The following LINGO2 variants were observed in gnomAD, a reference collection of about 807,000 sequenced individuals.
LINGO2 encodes leucine-rich repeat and immunoglobulin-like domain-containing nogo receptor-interacting protein 2.
In LINGO2, 14 loss-of-function variants were observed where a neutral mutation model predicts 30.6. That is an observed-to-expected ratio of 0.46 (90% confidence interval 0.30 to 0.72). The LOEUF (loss-of-function observed/expected upper bound fraction) is 0.72. LINGO2 is among the 30% of genes least tolerant of loss of function. The probability of loss-of-function intolerance (pLI) is 0.07; values close to 1 mark genes in which losing one functional copy is unlikely to be tolerated. For synonymous variants in LINGO2, 317 were observed against 288.5 expected, an observed-to-expected ratio of 1.10 and a Z score of -1.00; for missense variants, 729 against 751.7, an observed-to-expected ratio of 0.97 and a Z score of 0.35.
At chr9:28,439,114 A>C (rs888700219) in intron 2 of LINGO2, among the ~76,000 whole-genome samples, 2 of 148,312 alleles carry the variant, frequency 1.3e-5, no homozygotes, top group Non-Finnish European at 3.0e-5. Context: ...TGAAATATAG[A>C]TAATATCTAT....
At chr9:28,879,492 A>C in the LINGO2 span, among the ~76,000 whole-genome samples, 4 of 152,176 alleles carry the variant, frequency 2.6e-5, no homozygotes, top group African/African-American at 9.7e-5. Context: ...CTTTTCCAGG[A>C]AATTTCATAC....
chr9:28,813,267 A>C, the LINGO2 span, among the ~76,000 whole-genome samples: 1 of 152,172 alleles, frequency 6.6e-6, no homozygotes, highest in Non-Finnish European at 1.5e-5. Context: ...CCTGAAACTC[A>C]GTACCAACCC....
the LINGO2 span, among the ~76,000 whole-genome samples, chr9:29,057,599 T>C: frequency 6.6e-6 from 1 of 152,132 alleles, no homozygotes; most frequent in African/African-American, 2.4e-5. Context: ...AGTTTGGGGC[T>C]ACTAAGCAGC....
rs190226836 is a variant in LINGO2, at chr9:28,229,423, A to G, written c.-87+65785T>C. 2.7e-3 allele frequency among the ~76,000 whole-genome samples: 403 copies of G among 151,886 alleles called. 1 individual carries two copies. The highest frequency in any genetic ancestry group is 9.3e-3 in the African/African-American group (388 of 41,534). On this transcript the variant is annotated intron_variant, in intron 4 of 5. Coordinates refer to ENST00000379992, the Ensembl canonical transcript of LINGO2. Reference sequence around the variant, plus strand: ...TAATATACCTTGTTTACAAGAAAATAAGTTAATAGTAGGAACAAGTATCAG... The same window carrying G: ...TAATATACCTTGTTTACAAGAAAATGAGTTAATAGTAGGAACAAGTATCAG...
At chr9:29,176,424 T>C in the LINGO2 span, among the ~76,000 whole-genome samples, 2 of 152,204 alleles carry the variant, frequency 1.3e-5, no homozygotes, top group Admixed American at 6.5e-5. Context: ...TTCCCTCCCC[T>C]TCCTTTGACT....
intron 4 of LINGO2, among the ~76,000 whole-genome samples, chr9:28,137,725 C>G (rs1043092588): frequency 6.6e-6 from 1 of 151,940 alleles, no homozygotes; most frequent in Non-Finnish European, 1.5e-5. Flanking sequence ...TAATGATAGG[C>G]ATATTACCTT....
intron 4 of LINGO2, among the ~76,000 whole-genome samples, chr9:28,285,387 T>G (rs992162464): frequency 6.7e-6 from 1 of 148,756 alleles, no homozygotes; most frequent in Non-Finnish European, 1.5e-5. Context: ...GAGGACACGT[T>G]GCCCAAGATC....
rs111861621 is a variant in LINGO2, at chr9:28,608,903, C to G, written c.-365+61297G>C. 5.9e-5 allele frequency among the ~76,000 whole-genome samples: 9 copies of G among 151,886 alleles called. 1 individual carries two copies. The highest frequency in any genetic ancestry group is 1.9e-4 in the African/African-American group (8 of 41,482). On this transcript the variant is annotated intron_variant, in intron 1 of 5. Coordinates refer to ENST00000379992, the Ensembl canonical transcript of LINGO2. ...ATTTAATTGAGTTCATTTGTACATT[C>G]CTGTCTTTTAAAAAGTGGGAGATAT...
At chr9:28,825,816 G>T in the LINGO2 span, among the ~76,000 whole-genome samples, 1 of 152,144 alleles carries the variant, frequency 6.6e-6, no homozygotes, top group African/African-American at 2.4e-5. Flanking sequence ...CTGTTCAGTT[G>T]ATTGGGAAAA....
the LINGO2 span, among the ~76,000 whole-genome samples, chr9:28,972,777 T>C: frequency 1.1e-4 from 16 of 152,240 alleles, no homozygotes; most frequent in South Asian, 3.1e-3. Context: ...ACGTCTTACA[T>C]GGTGGCAGGC....
intron 4 of LINGO2, among the ~76,000 whole-genome samples, chr9:28,216,271 A>C (rs545905250): frequency 6.6e-6 from 1 of 152,076 alleles, no homozygotes; most frequent in South Asian, 2.1e-4. Flanking sequence ...AGGATTTTGC[A>C]GATGACATTT....
intron 5 of LINGO2, among the ~76,000 whole-genome samples, chr9:27,962,077 A>G (rs12338581): frequency 0.025 from 3,784 of 152,268 alleles, 163 homozygotes; most frequent in African/African-American, 0.087. Flanking sequence ...TAGCTTTTAG[A>G]ATTTCTTTGG....
chr9:28,294,538 G>A (rs766506089), intron 4 of LINGO2, among the ~76,000 whole-genome samples: 7 of 152,256 alleles, frequency 4.6e-5, no homozygotes, highest in East Asian at 3.9e-4. Flanking sequence ...GGGAGGAAGC[G>A]AGTTAAAGAG....
chr9:28,896,838 T>A, the LINGO2 span, among the ~76,000 whole-genome samples: 1 of 152,100 alleles, frequency 6.6e-6, no homozygotes, highest in Non-Finnish European at 1.5e-5. Flanking sequence ...TCTTACTTTT[T>A]ACATATCATC....
intron 3 of LINGO2, among the ~76,000 whole-genome samples, chr9:28,315,919 G>T (rs72709373): frequency 6.6e-6 from 1 of 152,140 alleles, no homozygotes; most frequent in Non-Finnish European, 1.5e-5. Context: ...GGTTAAATGC[G>T]TAGGCTCCAG....
In LINGO2 at chr9:28,663,466, C is replaced by T. The variant is rs187403341; in HGVS notation, c.-365+6734G>A. Among the ~76,000 whole-genome samples the T allele has an allele frequency of 9.0e-4, 137 of 152,190 alleles. 1 individual carries two copies. The Middle Eastern group carries it at 0.014, about 15-fold the overall frequency. On this transcript the variant is annotated intron_variant, in intron 1 of 5. Coordinates refer to ENST00000379992, the Ensembl canonical transcript of LINGO2. Reference sequence around the variant, plus strand: ...GATTACAGGCGTGAGCCACCGCATCCGGCCTGCAGTTGTATTCTGATTAGA... The same window carrying T: ...GATTACAGGCGTGAGCCACCGCATCTGGCCTGCAGTTGTATTCTGATTAGA...
At chr9:29,152,568 C>T in the LINGO2 span, among the ~76,000 whole-genome samples, 1 of 152,112 alleles carries the variant, frequency 6.6e-6, no homozygotes, top group African/African-American at 2.4e-5. Flanking sequence ...TTATACCACA[C>T]ATTTTCACTT....
intron 5 of LINGO2, among the ~76,000 whole-genome samples, chr9:27,953,497 T>C (rs1819416758): frequency 6.6e-6 from 1 of 151,952 alleles, no homozygotes; most frequent in African/African-American, 2.4e-5. Flanking sequence ...TCATCTGGAA[T>C]TATAATTCCC....
At chr9:28,661,206 A>G (rs998803826) in intron 1 of LINGO2, among the ~76,000 whole-genome samples, 1 of 152,124 alleles carries the variant, frequency 6.6e-6, no homozygotes, top group Non-Finnish European at 1.5e-5. Flanking sequence ...TGTAAATACT[A>G]TTCTTTGTCT....
Sources: gnomAD v4.1 joint callset for allele counts (sites outside exome capture counted in the v4.1 genomes callset) on GRCh38, gnomAD v4.1.1 for gene constraint, MANE v1.5 for transcripts, NCBI Gene and HGNC (gene_info 2026-07-23, HGNC 2026-07-21) for gene names.